Variants in NTN1 observed in about 807,000 individuals in gnomAD.
NTN1 encodes the protein netrin-1.
NTN1 carries 11 observed loss-of-function variants against 54.2 expected under a neutral mutation model. The ratio of observed to expected loss-of-function variants is 0.20; its 90% CI spans 0.13 to 0.34. The LOEUF (loss-of-function observed/expected upper bound fraction) is 0.34. Ranked by LOEUF, NTN1 falls within the 10% of genes least tolerant of loss-of-function variation. The pLI is 1.00. For missense variants in NTN1, 740 were observed against 893.1 expected, an observed-to-expected ratio of 0.83 and a Z score of 2.18; for synonymous variants, 371 against 382.0, an observed-to-expected ratio of 0.97 and a Z score of 0.33.
chr17:9,077,032 G>A (rs2092052607), intron 2 of NTN1, among the ~76,000 whole-genome samples: 1 of 152,190 alleles, frequency 6.6e-6, no homozygotes, highest in Non-Finnish European at 1.5e-5. Context: ...TCTGTAGCAG[G>A]TAATCATCAG....
At position 9,239,836 on chromosome 17, in the gene NTN1, G is replaced by A; in HGVS notation, c.1683G>A (p.Ala561=). Residue 561 remains alanine (A), a synonymous_variant, in exon 7 of 7, where the codon GCG becomes GCA. Coordinates refer to ENST00000173229, the MANE Select transcript of NTN1 (RefSeq NM_004822.3). The surrounding 1 kb of genome is among the most constrained non-coding windows in gnomAD (Gnocchi z 5.2). ...PLKKYLLLGN[A]EDSPDQSGIV... ...AGAAGTACCTGCTGCTGGGCAACGC[G>A]GAGGACTCTCCGGACCAGAGCGGCA... 1 of 1,613,302 alleles carries A rather than the reference G, an allele frequency of 6.2e-7. No homozygotes were observed. Among genetic ancestry groups the A allele is most frequent in the Non-Finnish European group, 8.5e-7 (1 of 1,179,954 alleles).
intron 5 of NTN1, among the ~76,000 whole-genome samples, chr17:9,184,205 C>T (rs1307455958): frequency 6.6e-6 from 1 of 152,190 alleles, no homozygotes; most frequent in African/African-American, 2.4e-5. Context: ...CAGGAAAGGA[C>T]AGAAATGCGT....
In NTN1 at chr17:9,239,961, A is replaced by C; in HGVS notation, c.1808A>C (p.Lys603Thr). Residue 603 changes from lysine (K) to threonine (T), a missense_variant, in exon 7 of 7, where the codon AAG becomes ACG. Coordinates refer to ENST00000173229, the MANE Select transcript of NTN1 (RefSeq NM_004822.3). The surrounding 1 kb of genome is among the most constrained non-coding windows in gnomAD (Gnocchi z 5.2). Reference protein sequence around the residue: ...QQREKKGKCKKA With the variant: ...QQREKKGKCKTA ...CGTGAGAAGAAGGGCAAGTGCAAGAAGGCCTAGCGCCGAGGCAGCGGGCGG... is the reference window on the plus strand; with the variant it reads ...CGTGAGAAGAAGGGCAAGTGCAAGACGGCCTAGCGCCGAGGCAGCGGGCGG... 1 of 595,244 alleles carries C rather than the reference A, an allele frequency of 1.7e-6. No homozygotes were observed. Among genetic ancestry groups the C allele is most frequent in the Non-Finnish European group, 2.7e-6 (1 of 364,210 alleles). 36.9% of individuals were successfully genotyped at this position (595,244 alleles called of 1,614,324 possible).
chr17:9,133,408 C>G (rs568560049), intron 2 of NTN1, among the ~76,000 whole-genome samples: 3 of 152,344 alleles, frequency 2.0e-5, no homozygotes. Context: ...CATCTCTCCT[C>G]CTTGCTCCCA....
chr17:9,143,926 C>T (rs1312260933), intron 2 of NTN1, among the ~76,000 whole-genome samples: 5 of 145,628 alleles, frequency 3.4e-5, no homozygotes, highest in African/African-American at 7.7e-5. Context: ...GATGGAATTT[C>T]GCTCTTGTTG....
At chr17:9,125,811 C>T (rs2092245569) in intron 2 of NTN1, among the ~76,000 whole-genome samples, 1 of 152,204 alleles carries the variant, frequency 6.6e-6, no homozygotes, top group Non-Finnish European at 1.5e-5. Flanking sequence ...TGACCTTCTG[C>T]AGAGTGGATG....
intron 6 of NTN1, among the ~76,000 whole-genome samples, chr17:9,233,567 G>A (rs983617993): frequency 2.0e-5 from 3 of 152,008 alleles, no homozygotes; most frequent in East Asian, 1.9e-4. Context: ...TCCTGGGCCC[G>A]GACTGGAACT....
chr17:9,172,192 T>C (rs1385733409), intron 3 of NTN1, among the ~76,000 whole-genome samples: 3 of 152,048 alleles, frequency 2.0e-5, no homozygotes, highest in African/African-American at 7.2e-5. Context: ...CTGGCCAGGC[T>C]AACCTTTTAA....
the NTN1 span, among the ~76,000 whole-genome samples, chr17:9,012,876 T>A: frequency 6.6e-6 from 1 of 152,270 alleles, no homozygotes. Flanking sequence ...TCATTTCCAA[T>A]TCTCTTCCTG....
rs11429901 is a variant in NTN1 at position 9,171,883 on chromosome 17, C to CTTT, written c.1208-7904_1208-7902dup. 640 of 101,528 alleles carry CTTT rather than the reference C, an allele frequency of 6.3e-3. 10 individuals are homozygous for CTTT. The highest frequency in any genetic ancestry group is 9.7e-3 in the East Asian group (29 of 2,990). 6.3% of individuals were successfully genotyped at this position (101,528 alleles called of 1,614,324 possible). On this transcript the variant is annotated intron_variant, in intron 3 of 6. Coordinates refer to ENST00000173229, the MANE Select transcript of NTN1 (RefSeq NM_004822.3). ...TTAACTGAGTAATATATCAGGCTCA[C>CTTT]TTTTTTTTTTTTTTTTTTTTTTGAG...
At position 9,076,548 on chromosome 17, in the gene NTN1, ATT is replaced by A. The variant is rs539254487; in HGVS notation, c.1018+53163_1018+53164del. On this transcript the variant is annotated intron_variant, in intron 2 of 6. Transcript: ENST00000173229. The stretch of plus-strand genomic sequence containing the variant: ...CCAGCATGCTCAGTGAATTTTTCAA[ATT>A]TTTTTGTGGAGATAGGGGTCTCTCT... Among the ~76,000 whole-genome samples the A allele has an allele frequency of 3.3e-5, 5 of 151,806 alleles. No homozygotes were observed. The East Asian group carries it at 9.7e-4, about 29-fold the overall frequency.
intron 2 of NTN1, among the ~76,000 whole-genome samples, chr17:9,121,160 C>T (rs1169520806): frequency 6.6e-6 from 1 of 152,110 alleles, no homozygotes; most frequent in Non-Finnish European, 1.5e-5. Context: ...TCCCTGCAGC[C>T]GCTTGTTCAT....
rs778586513 is a variant in NTN1 at position 9,239,747 on chromosome 17, G to A, written c.1594G>A (p.Asp532Asn). Residue 532 changes from aspartate to asparagine, a missense_variant, in exon 7 of 7, where the codon GAC (aspartate) becomes AAC (asparagine). Physicochemically the swap from Asp to Asn is conservative, Grantham distance 23 (BLOSUM62 1). Coordinates refer to ENST00000173229, the MANE Select transcript of NTN1 (RefSeq NM_004822.3). This position sits in a 1 kb window ranked among gnomAD's most constrained non-coding sequence, Gnocchi z 5.2. ...GGGCACGAGCCGCATCCGCCGCGGT[G>A]ACCAGAGCCTGTGGATCCGCTCGCG... ...KQGTSRIRRG[D>N]QSLWIRSRDI... is the part of the protein sequence containing the mutation. The A allele has an allele frequency of 5.6e-6, 9 of 1,613,720 alleles. No homozygotes were observed. The highest frequency in any genetic ancestry group is 7.6e-6 in the Non-Finnish European group (9 of 1,180,040).
intron 2 of NTN1, among the ~76,000 whole-genome samples, chr17:9,115,570 G>A (rs2092208672): frequency 6.6e-6 from 1 of 152,238 alleles, no homozygotes. Context: ...CCCACTGTGT[G>A]CACTGGAGTT....
intron 2 of NTN1, among the ~76,000 whole-genome samples, chr17:9,024,309 A>T (rs565647103): frequency 5.9e-5 from 9 of 152,326 alleles, no homozygotes; most frequent in Non-Finnish European, 1.3e-4. Context: ...CATAAAAAGA[A>T]AAAAAGGGTG....
chr17:9,217,964 T>A (rs1905250448), intron 5 of NTN1, among the ~76,000 whole-genome samples: 1 of 152,112 alleles, frequency 6.6e-6, no homozygotes, highest in Non-Finnish European at 1.5e-5. Context: ...ACTCTCCAGT[T>A]TGACTCAGCA....
chr17:9,148,298 A>G (rs1237459629), intron 2 of NTN1, among the ~76,000 whole-genome samples: 1 of 152,220 alleles, frequency 6.6e-6, no homozygotes, highest in Non-Finnish European at 1.5e-5. Context: ...GTGCTAAGCA[A>G]ATAGGAACTG....
intron 5 of NTN1, chr17:9,183,334 T>G: frequency 1.9e-6 from 1 of 528,092 alleles, no homozygotes; most frequent in Non-Finnish European, 3.8e-6. Flanking sequence ...ATGCTGGGGA[T>G]ACAGAAGGAG....
At chr17:9,020,315 C>T (rs1374766951), upstream of NTN1, among the ~76,000 whole-genome samples, 1 of 152,234 alleles carries the variant, frequency 6.6e-6, no homozygotes, top group Non-Finnish European at 1.5e-5. Flanking sequence ...GTTCCAAACT[C>T]TCGGCCCAGT....
Sources: allele counts gnomAD v4.1 joint callset (sites outside exome capture counted in the v4.1 genomes callset), GRCh38; gene constraint gnomAD v4.1.1; non-coding constraint Gnocchi (gnomAD v3.1); transcripts MANE v1.5; gene names NCBI Gene and HGNC (gene_info 2026-07-23, HGNC 2026-07-21).